MED25: variants seen among roughly 807,000 people sequenced by gnomAD.
MED25 encodes the protein mediator complex subunit 25.
A neutral mutation model predicts 89.4 loss-of-function variants in MED25; 62 were observed. That is an observed-to-expected ratio of 0.69 (90% CI 0.57 to 0.86). The LOEUF (loss-of-function observed/expected upper bound fraction) is 0.86. MED25 is among the 40% of genes least tolerant of loss of function. The pLI is 0.00. For missense variants in MED25, 905 were observed against 1,005.2 expected (o/e 0.90, Z 1.35); for synonymous variants, 449 against 427.9 (o/e 1.05, Z -0.61).
At chr19:49,838,544 G>A, downstream of MED25, 1 of 457,082 alleles carries the variant, frequency 2.2e-6, no homozygotes. Flanking sequence ...TCAGAGGAAA[G>A]TGAAATCTTT....
chr19:49,830,913 C>G lies in MED25; in HGVS notation c.1101+26C>G, dbSNP rs1253319827. 2 of 1,598,714 alleles carry G rather than the reference C, an allele frequency of 1.3e-6. No homozygotes were observed. The highest frequency in any genetic ancestry group is 1.7e-6 in the Non-Finnish European group (2 of 1,174,822). ...GTAGGTGCCTGCACGCCTCCTGCCCCTGCTCCTTCCTCCTGCTGTCCACAG... is the reference window on the plus strand; with the variant it reads ...GTAGGTGCCTGCACGCCTCCTGCCCGTGCTCCTTCCTCCTGCTGTCCACAG... On this transcript the variant is annotated intron_variant, in intron 9 of 17. Transcript: ENST00000312865. This position sits in a 1 kb window ranked among gnomAD's most constrained non-coding sequence, Gnocchi z 4.6.
In MED25 at chr19:49,834,904, C is replaced by T; in HGVS notation, c.1483-82C>T. On this transcript the variant is annotated intron_variant, in intron 13 of 17. Coordinates refer to ENST00000312865, the MANE Select transcript of MED25 (RefSeq NM_030973.4). The surrounding 1 kb of genome is among the most constrained non-coding windows in gnomAD (Gnocchi z 4.1). ...TCACCTCACCTTGCCTGTGGGGCCT[C>T]TAGAGCCTTCTGGAATGGGGAGGGG... The T allele has an allele frequency of 6.8e-7, 1 of 1,467,082 alleles. No homozygotes were observed. Among genetic ancestry groups the T allele is most frequent in the Non-Finnish European group, 9.5e-7 (1 of 1,051,788 alleles). The allele number at this position is 1,467,082 out of a possible 1,614,324, so 90.9% of individuals were successfully genotyped here.
rs777744644 is a variant in MED25, at chr19:49,818,373, C to G, written c.32C>G (p.Ala11Gly). The G allele has an allele frequency of 1.9e-6, 3 of 1,610,052 alleles. No individual in the cohort carries two copies. The highest frequency in any genetic ancestry group is 2.5e-6 in the Non-Finnish European group (3 of 1,178,208). ...CCCGGGTCCGAGGGCCCGGCCCGCG[C>G]CGGGAGCGTGGTGGCCGACGTGGTG... MVPGSEGPAR[A>G]GSVVADVVFV... Residue 11 changes from alanine to glycine, a missense_variant, in exon 1 of 18, where the codon GCC (alanine) becomes GGC (glycine). Around this residue, in one of 3 missense-constraint regions of MED25, gnomAD observed 501 missense variants for 526.9 expected, o/e 0.95. Transcript: ENST00000312865.
rs540923510 is a variant in MED25, at chr19:49,835,980, AT to A, written c.1965+36del. On this transcript the variant is annotated intron_variant, in intron 16 of 17. Transcript: ENST00000312865. This position sits in a 1 kb window ranked among gnomAD's most constrained non-coding sequence, Gnocchi z 6.2. ...TGGGGTGGGGTAGCGAGAGTTCCAG[AT>A]CCTGGCCCTGGTGGTTCTGGTCCTG... 65 of 1,610,326 alleles carry A rather than the reference AT, an allele frequency of 4.0e-5. No homozygotes were observed. In the African/African-American group the frequency reaches 8.5e-4, roughly 21 times the overall value.
At chr19:49,837,079 C>A, downstream of MED25, 2 of 790,202 alleles carry the variant, frequency 2.5e-6, no homozygotes, top group Non-Finnish European at 4.4e-6. Flanking sequence ...ATCCCTGGGG[C>A]CCTGGGTGAA....
rs916809301 is a variant in MED25, at chr19:49,818,701, C to T, written c.180+85C>T. 7.7e-6 allele frequency: 10 copies of T among 1,295,134 alleles called. No individual in the cohort carries two copies. In the African/African-American group the frequency reaches 1.6e-4, roughly 20 times the overall value. The allele number at this position is 1,295,134 out of a possible 1,614,324, so 80.2% of individuals were successfully genotyped here. Reference sequence around the variant, plus strand: ...CTGAGGGAGGGAGAAAGGGCTGGGCCTGGACTCCTGAGTTTGAGGGAGGAG... The same window carrying T: ...CTGAGGGAGGGAGAAAGGGCTGGGCTTGGACTCCTGAGTTTGAGGGAGGAG... On this transcript the variant is annotated intron_variant, in intron 2 of 17. Coordinates refer to ENST00000312865, the MANE Select transcript of MED25 (RefSeq NM_030973.4).
At position 49,831,559 on chromosome 19, in the gene MED25, C is replaced by A; in HGVS notation, c.1230+98C>A. 2 of 1,454,006 alleles carry A rather than the reference C, an allele frequency of 1.4e-6. No individual in the cohort carries two copies. Among genetic ancestry groups the A allele is most frequent in the Non-Finnish European group, 9.3e-7 (1 of 1,074,550 alleles). The allele number at this position is 1,454,006 out of a possible 1,614,324, so 90.1% of individuals were successfully genotyped here. A position where few individuals can be genotyped will look rare whatever the true frequency, so the allele number is the denominator to read the frequency against. Reference sequence around the variant, plus strand: ...GGCCAGATGCGTGGGGTCTGCAGTGCTGGGTTTGGAGGCATTCGTTGCGCT... The same window carrying A: ...GGCCAGATGCGTGGGGTCTGCAGTGATGGGTTTGGAGGCATTCGTTGCGCT... On this transcript the variant is annotated intron_variant, in intron 10 of 17. Coordinates refer to ENST00000312865, the MANE Select transcript of MED25 (RefSeq NM_030973.4). The surrounding 1 kb of genome is among the most constrained non-coding windows in gnomAD (Gnocchi z 5.0).
rs116436223 is a variant in MED25 at position 49,832,220 on chromosome 19, G to A, written c.1374+63G>A. ...GTCCTCACCCTGCTGTCTCTTTCCT[G>A]TTCCCTGCCCCACCCCCACTCCCTG... is the stretch of plus-strand genomic sequence containing the variant. On this transcript the variant is annotated intron_variant, in intron 12 of 17. Transcript: ENST00000312865. The A allele has an allele frequency of 2.0e-3, 3,220 of 1,579,308 alleles. 42 individuals carry two copies. In the African/African-American group the frequency reaches 0.036, roughly 18 times the overall value.
At chr19:49,826,418 C>T (rs2074016024) in intron 3 of MED25, among the ~76,000 whole-genome samples, 1 of 152,126 alleles carries the variant, frequency 6.6e-6, no homozygotes. Flanking sequence ...GCCCGAGTGC[C>T]CTGAGAGCAG....
chr19:49,835,270 C>A lies in MED25; in HGVS notation c.1674+93C>A. 5 of 1,364,822 alleles carry A rather than the reference C, an allele frequency of 3.7e-6. No homozygotes were observed. Among genetic ancestry groups the A allele is most frequent in the Non-Finnish European group, 4.2e-6 (4 of 954,816 alleles). The allele number at this position is 1,364,822 out of a possible 1,614,324, so 84.5% of individuals were successfully genotyped here. A position where few individuals can be genotyped will look rare whatever the true frequency, so the allele number is the denominator to read the frequency against. The stretch of plus-strand genomic sequence containing the variant: ...GGGTCTCCAGGACCAAGATGCCCAC[C>A]CTTCTCCCAATATGTGGTGCCTCCA... On this transcript the variant is annotated intron_variant, in intron 14 of 17. Coordinates refer to ENST00000312865, the MANE Select transcript of MED25 (RefSeq NM_030973.4). This position sits in a 1 kb window ranked among gnomAD's most constrained non-coding sequence, Gnocchi z 6.2.
intron 3 of MED25, among the ~76,000 whole-genome samples, chr19:49,822,927 G>A (rs916509639): frequency 2.6e-5 from 4 of 152,008 alleles, no homozygotes; most frequent in Non-Finnish European, 5.9e-5. Flanking sequence ...GATTACAGGC[G>A]TGAGCCACCG....
intron 3 of MED25, among the ~76,000 whole-genome samples, chr19:49,820,205 CCGACTCA>C (rs1319988590): frequency 6.6e-6 from 1 of 152,178 alleles, no homozygotes; most frequent in Non-Finnish European, 1.5e-5. Flanking sequence ...CAGGCCCAAG[CCGACTCA>C]CGTCCAAAGA....
intron 3 of MED25, among the ~76,000 whole-genome samples, chr19:49,821,772 C>T (rs1443469994): frequency 2.7e-4 from 39 of 146,120 alleles, no homozygotes; most frequent in African/African-American, 9.5e-4. Context: ...GCCGAGATCA[C>T]ACCATTGCAC....
At chr19:49,837,199 C>T (rs1294599239), downstream of MED25, among the ~76,000 whole-genome samples, 2 of 152,218 alleles carry the variant, frequency 1.3e-5, no homozygotes, top group African/African-American at 4.8e-5. Context: ...ATGGAGGTGG[C>T]AGGGGCACCA....
At position 49,818,568 on chromosome 19, in the gene MED25, C is replaced by G; in HGVS notation, c.135-3C>G. On this transcript the variant is annotated splice_polypyrimidine_tract_variant and splice_region_variant and intron_variant, in intron 1 of 17. Transcript: ENST00000312865. The stretch of plus-strand genomic sequence containing the variant: ...TCCGACCTTTCACTTCCTACCCTCA[C>G]AGGTATTTTAATGGTGGTCCTCCTG... The G allele has an allele frequency of 6.2e-7, 1 of 1,614,186 alleles. No homozygotes were observed. Among genetic ancestry groups the G allele is most frequent in the Non-Finnish European group, 8.5e-7 (1 of 1,180,028 alleles).
At position 49,818,467 on chromosome 19, in the gene MED25, G is replaced by A. The variant is rs746114019; in HGVS notation, c.126G>A (p.Pro42=). Residue 42 remains proline, a synonymous_variant, in exon 1 of 18, where the codon CCG becomes CCA. Coordinates refer to ENST00000312865, the MANE Select transcript of MED25 (RefSeq NM_030973.4). The stretch of plus-strand genomic sequence containing the variant: ...GGCTCCGCAAGCACTACCTGCTCCC[G>A]GCCATCGAGTGAGTGCTGTTTCCGC... ...FEGLRKHYLL[P]AIEYFNGGPP... 1.2e-6 allele frequency: 2 copies of A among 1,614,162 alleles called. No homozygotes were observed. Among genetic ancestry groups the A allele is most frequent in the Non-Finnish European group, 8.5e-7 (1 of 1,180,038 alleles).
At chr19:49,822,279 A>G (rs922262246) in intron 3 of MED25, among the ~76,000 whole-genome samples, 1 of 144,914 alleles carries the variant, frequency 6.9e-6, no homozygotes, top group Non-Finnish European at 1.5e-5. Context: ...AAAAAAAAAA[A>G]AAAAACCATA....
rs1474701596 is a variant in MED25, at chr19:49,835,541, G to T, written c.1682G>T (p.Gly561Val). Residue 561 changes from glycine to valine, a missense_variant, in exon 15 of 18, where the codon GGA becomes GTA. Gly to Val is a moderately radical substitution (Grantham distance 109). Around this residue, in one of 3 missense-constraint regions of MED25, gnomAD observed 271 missense variants for 258.1 expected, o/e 1.05. Coordinates refer to ENST00000312865, the MANE Select transcript of MED25 (RefSeq NM_030973.4). This position sits in a 1 kb window ranked among gnomAD's most constrained non-coding sequence, Gnocchi z 6.2. Reference protein sequence around the residue: ...KLEQQQRGMGGQQAPPGLGPI... With the variant: ...KLEQQQRGMGVQQAPPGLGPI... ...CCCTCTCTCCCCGTGCAGATGGGGG[G>T]ACAGCAGGCACCCCCAGGGCTGGGG... 2 of 1,560,292 alleles carry T rather than the reference G, an allele frequency of 1.3e-6. No homozygotes were observed. The highest frequency in any genetic ancestry group is 1.2e-5 in the South Asian group (1 of 84,702).
chr19:49,832,429 A>T lies in MED25; in HGVS notation c.1482+14A>T. On this transcript the variant is annotated intron_variant, in intron 13 of 17. Transcript: ENST00000312865. ...GGCAACGGCTTCGTGAGTCCAGGGC[A>T]TGGGGGGCCGAGGGGTGTTGACTCT... The T allele has an allele frequency of 6.9e-7, 1 of 1,451,884 alleles. No homozygotes were observed. The highest frequency in any genetic ancestry group is 9.6e-7 in the Non-Finnish European group (1 of 1,036,594). 89.9% of individuals were successfully genotyped at this position (1,451,884 alleles called of 1,614,324 possible).
Sources: allele counts gnomAD v4.1 joint callset (sites outside exome capture counted in the v4.1 genomes callset), GRCh38; gene constraint gnomAD v4.1.1; regional missense constraint gnomAD v4.1.1; non-coding constraint Gnocchi (gnomAD v3.1); transcripts MANE v1.5; gene names NCBI Gene and HGNC (gene_info 2026-07-23, HGNC 2026-07-21).